GML: variants seen among roughly 807,000 people sequenced by gnomAD.
GML encodes the protein glycosylphosphatidylinositol anchored molecule like, also known as glycosyl-phosphatidylinositol-anchored molecule-like protein.
Under a neutral mutation model 8.2 loss-of-function variants are expected in GML, and 5 were observed. That is an observed-to-expected ratio of 0.61 (90% CI 0.32 to 1.28). The LOEUF is 1.28. GML is among the 50% of genes most tolerant of loss of function. The pLI, the probability that GML is intolerant of heterozygous loss-of-function variation, is 0.06. For synonymous variants in GML, 72 were observed against 69.0 expected (o/e 1.04, Z -0.22); for missense variants, 191 against 198.3 (o/e 0.96, Z 0.22).
At chr8:142,842,379 G>A (rs1030292443) in intron 3 of GML, among the ~76,000 whole-genome samples, 1 of 152,186 alleles carries the variant, frequency 6.6e-6, no homozygotes, top group South Asian at 2.1e-4. Flanking sequence ...TTTGGGACAT[G>A]GGCAGGAGGC....
At chr8:142,846,278 G>A (rs1209996376) in intron 3 of GML, 117 bp from the exon 4 acceptor site, 14 of 664,632 alleles carry the variant, frequency 2.1e-5, no homozygotes, top group Non-Finnish European at 3.4e-5. Flanking sequence ...TATCACAGCT[G>A]GGAGTGTAGA....
chr8:142,842,950 G>A (rs1394229916), intron 3 of GML, among the ~76,000 whole-genome samples: 1 of 152,188 alleles, frequency 6.6e-6, no homozygotes, highest in African/African-American at 2.4e-5. Flanking sequence ...CCATGGTCAT[G>A]GCAGCTGCAA....
rs780863749 is a variant in GML, at chr8:142,846,681, A to G, written c.468A>G (p.Ile156Met). Residue 156 changes from isoleucine to methionine, a missense_variant, in exon 4 of 4, where the codon ATA (isoleucine) becomes ATG (methionine). By Grantham distance (10) the Ile-to-Met change is conservative (BLOSUM62 1). Coordinates refer to ENST00000220940, the MANE Select transcript of GML (RefSeq NM_002066.3). ...TTGCCTCTATCATAGTCAGCAATAT[A>G]TTGCCATGAGGACCCCACCTTGGAG... The part of the protein sequence containing the change: ...LSFASIIVSN[I>M]LP 4 of 1,612,848 alleles carry G rather than the reference A, an allele frequency of 2.5e-6. No individual in the cohort carries two copies. Among genetic ancestry groups the G allele is most frequent in the Admixed American group, 1.7e-5 (1 of 60,014 alleles).
intron 3 of GML, among the ~76,000 whole-genome samples, chr8:142,844,161 G>GA (rs1816473599): frequency 6.6e-6 from 1 of 152,178 alleles, no homozygotes; most frequent in Admixed American, 6.5e-5. Context: ...AAATAATTCA[G>GA]AAAAAGCCAC....
At chr8:142,839,665 G>T (rs1470100167) in intron 1 of GML, among the ~76,000 whole-genome samples, 1 of 152,224 alleles carries the variant, frequency 6.6e-6, no homozygotes, top group East Asian at 1.9e-4. Flanking sequence ...TGCTGAAGGG[G>T]GGTAGGGGAT....
intron 3 of GML, 93 bp downstream of exon 3, chr8:142,841,318 C>T: frequency 2.7e-6 from 2 of 734,300 alleles, no homozygotes; most frequent in Non-Finnish European, 5.0e-6. Flanking sequence ...CTTCTCTGCA[C>T]CCAGCTCTGT....
intron 1 of GML, 178 bp downstream of exon 1, chr8:142,835,046 T>G (rs1218078536): frequency 1.4e-5 from 2 of 145,306 alleles, no homozygotes; most frequent in Non-Finnish European, 3.0e-5. Flanking sequence ...CCCCCCGAAC[T>G]CAGCTCCTCT....
intron 1 of GML, 96 bp from the exon 2 acceptor site, chr8:142,840,320 G>T: frequency 1.3e-6 from 1 of 751,012 alleles, no homozygotes; most frequent in Non-Finnish European, 2.4e-6. Flanking sequence ...GGTGGGCAGA[G>T]TCAGGGAGAC....
At chr8:142,836,648 G>T (rs1006947374) in intron 1 of GML, among the ~76,000 whole-genome samples, 3 of 152,178 alleles carry the variant, frequency 2.0e-5, no homozygotes, top group African/African-American at 7.2e-5. Context: ...AAAATAGCTG[G>T]AAAGCTTGGA....
Position 142,841,107 on chromosome 8 carries a change from T to A in GML, c.74-11T>A. 1 of 1,311,268 alleles carries A rather than the reference T, an allele frequency of 7.6e-7. No homozygotes were observed. The highest frequency in any genetic ancestry group is 1.1e-6 in the Non-Finnish European group (1 of 903,502). 81.2% of individuals were successfully genotyped at this position (1,311,268 alleles called of 1,614,324 possible). On this transcript the variant is annotated splice_polypyrimidine_tract_variant and intron_variant, in intron 2 of 3. Coordinates refer to ENST00000220940, the MANE Select transcript of GML (RefSeq NM_002066.3). ...GAGCAGAAGCCTGAAGCCTGCTTTC[T>A]CCCCTCTCAGGGACTTACAGTTTGA...
intron 3 of GML, among the ~76,000 whole-genome samples, chr8:142,844,254 GAT>G (rs1816474742): frequency 2.0e-5 from 3 of 152,162 alleles, no homozygotes; most frequent in African/African-American, 7.2e-5. Flanking sequence ...AGCAGTAGTG[GAT>G]ATGTTAGATA....
chr8:142,843,895 G>A (rs1224870694), intron 3 of GML, among the ~76,000 whole-genome samples: 12 of 152,170 alleles, frequency 7.9e-5, no homozygotes, highest in South Asian at 4.1e-4. Flanking sequence ...AAAGAGTAAG[G>A]ATATCTCTTC....
chr8:142,846,145 G>T (rs1334903591), intron 3 of GML, among the ~76,000 whole-genome samples: 1 of 152,124 alleles, frequency 6.6e-6, no homozygotes, highest in Non-Finnish European at 1.5e-5. Context: ...ATTTTGGGAG[G>T]GCCAGAGGCC....
intron 1 of GML, among the ~76,000 whole-genome samples, chr8:142,836,344 C>G (rs1563857523): frequency 6.6e-6 from 1 of 152,274 alleles, no homozygotes; most frequent in Non-Finnish European, 1.5e-5. Flanking sequence ...TGTAAAAACT[C>G]ACATATTTAG....
Position 142,846,662 on chromosome 8 carries a change from C to G in GML, c.449C>G (p.Ser150Cys), listed in dbSNP as rs1287358727. The change falls in exon 4 of 4, where the codon TCT (serine) becomes TGT (cysteine). Residue 150 changes from serine to cysteine, a missense_variant. By Grantham distance (112) the Ser-to-Cys change is moderately radical. Transcript: ENST00000220940. ...TCAAAACTGTTGCTGAGTTTTGCCT[C>G]TATCATAGTCAGCAATATATTGCCA... Reference protein sequence around the residue: ...GVSKLLLSFASIIVSNILP With the variant: ...GVSKLLLSFACIIVSNILP 1 of 1,613,828 alleles carries G rather than the reference C, an allele frequency of 6.2e-7. No individual in the cohort carries two copies. Among genetic ancestry groups the G allele is most frequent in the African/African-American group, 1.3e-5 (1 of 74,898 alleles).
chr8:142,840,650 C>A, intron 2 of GML, 140 bp downstream of exon 2: 1 of 661,248 alleles, frequency 1.5e-6, no homozygotes, highest in East Asian at 2.7e-5. Flanking sequence ...CAGGGGTGGG[C>A]ACTAGGGCAG....
intron 1 of GML, among the ~76,000 whole-genome samples, chr8:142,835,611 T>C (rs1586541790): frequency 6.6e-6 from 1 of 152,242 alleles, no homozygotes; most frequent in East Asian, 1.9e-4. Flanking sequence ...GCCCAAAATA[T>C]TCTTGACTTC....
At chr8:142,839,163 CTGGGTCTCAGGGGAA>C (rs2130216332) in intron 1 of GML, among the ~76,000 whole-genome samples, 1 of 152,130 alleles carries the variant, frequency 6.6e-6, no homozygotes, top group African/African-American at 2.4e-5. Context: ...GACGGGGCTG[CTGGGTCTCAGGGGAA>C]TGGGCATGGA....
chr8:142,835,788 C>CT (rs1184585314), intron 1 of GML, among the ~76,000 whole-genome samples: 1 of 152,198 alleles, frequency 6.6e-6, no homozygotes, highest in African/African-American at 2.4e-5. Flanking sequence ...TCTGAAGTGT[C>CT]TGTCCTTGTC....
Sources: allele counts gnomAD v4.1 joint callset (sites outside exome capture counted in the v4.1 genomes callset), GRCh38; gene constraint gnomAD v4.1.1; transcripts MANE v1.5; gene names NCBI Gene and HGNC (gene_info 2026-07-23, HGNC 2026-07-21).